SPNS3: variants seen among roughly 807,000 people sequenced by gnomAD.
SPNS3 encodes the protein SPNS lysolipid transporter 3, sphingosine-1-phosphate (putative).
SPNS3 carries 51 observed loss-of-function variants against 54.4 expected under a neutral mutation model. The observed-to-expected ratio is 0.94, with a 90% CI of 0.75 to 1.18. SPNS3 has a LOEUF of 1.18. Among genes scored for constraint, SPNS3 ranks in the 50% most tolerant of loss-of-function variants. The pLI is 0.00. For synonymous variants in SPNS3, 309 were observed against 294.7 expected, an observed-to-expected ratio of 1.05 and a Z score of -0.50; for missense variants, 669 against 677.4, an observed-to-expected ratio of 0.99 and a Z score of 0.14.
chr17:4,434,299 A>G (rs1167242380), intron 1 of SPNS3, 133 bp downstream of exon 1: 3 of 857,548 alleles, frequency 3.5e-6, no homozygotes, highest in Non-Finnish European at 5.2e-6. Flanking sequence ...TCTCACCTCT[A>G]GAGGTGGTTT....
chr17:4,474,977 T>C (rs1245194260), intron 8 of SPNS3, among the ~76,000 whole-genome samples: 1 of 152,096 alleles, frequency 6.6e-6, no homozygotes, highest in Non-Finnish European at 1.5e-5. Context: ...AGTGTGCTTG[T>C]GTGTTGGTCT....
At chr17:4,461,033 T>C (rs1971484754) in intron 8 of SPNS3, among the ~76,000 whole-genome samples, 1 of 152,238 alleles carries the variant, frequency 6.6e-6, no homozygotes, top group South Asian at 2.1e-4. Flanking sequence ...TTACTTGTTA[T>C]AGGTCAATTC....
intron 8 of SPNS3, among the ~76,000 whole-genome samples, chr17:4,472,737 C>G (rs1459968420): frequency 2.2e-5 from 3 of 137,416 alleles, no homozygotes; most frequent in Non-Finnish European, 4.6e-5. Context: ...GGGTATTACT[C>G]TCTTCTACAG....
At chr17:4,466,729 C>T (rs552005146) in intron 8 of SPNS3, among the ~76,000 whole-genome samples, 2 of 151,818 alleles carry the variant, frequency 1.3e-5, no homozygotes, top group South Asian at 4.2e-4. Context: ...CCTGTAATCC[C>T]AGATACTTGG....
In SPNS3 at chr17:4,434,226, G is replaced by T. The variant is rs1042234811; in HGVS notation, c.199+60G>T. 6 of 1,479,024 alleles carry T rather than the reference G, an allele frequency of 4.1e-6. No homozygotes were observed. In the African/African-American group the frequency reaches 8.4e-5, roughly 21 times the overall value. 91.6% of individuals were successfully genotyped at this position (1,479,024 alleles called of 1,614,324 possible). A position where few individuals can be genotyped will look rare whatever the true frequency, so the allele number is the denominator to read the frequency against. On this transcript the variant is annotated intron_variant, in intron 1 of 11. Coordinates refer to ENST00000355530, the MANE Select transcript of SPNS3 (RefSeq NM_182538.5). Reference sequence around the variant, plus strand: ...CTGCTGTGCCCACCAGCCAGGGGCTGCAGATCCATGGTGGCCTTCCAGCCA... The same window carrying T: ...CTGCTGTGCCCACCAGCCAGGGGCTTCAGATCCATGGTGGCCTTCCAGCCA...
chr17:4,446,943 A>T lies in SPNS3; in HGVS notation c.602A>T (p.Asn201Ile), dbSNP rs1971010394. Residue 201 changes from asparagine (N) to isoleucine (I), a missense_variant, in exon 5 of 12, where the codon AAC (asparagine) becomes ATC (isoleucine). By Grantham distance (149) the Asn-to-Ile change is moderately radical (BLOSUM62 -3). Coordinates refer to ENST00000355530, the MANE Select transcript of SPNS3 (RefSeq NM_182538.5). ...LGSAVTMLTGNWRWALRVMPC... is the reference protein window; with the variant it reads ...LGSAVTMLTGIWRWALRVMPC... Reference sequence around the variant, plus strand: ...TCGGCTGTGACGATGCTGACTGGGAACTGGCGCTGGGCCCTCCGAGTGAGT... The same window carrying T: ...TCGGCTGTGACGATGCTGACTGGGATCTGGCGCTGGGCCCTCCGAGTGAGT... The T allele has an allele frequency of 1.2e-6, 2 of 1,614,068 alleles. No individual in the cohort carries two copies. The highest frequency in any genetic ancestry group is 1.7e-6 in the Non-Finnish European group (2 of 1,179,998).
rs1597306462 is a variant in SPNS3, at chr17:4,445,134, G to T, written c.368G>T (p.Gly123Val). 6.2e-7 allele frequency: 1 copy of T among 1,614,016 alleles called. No homozygotes were observed. Among genetic ancestry groups the T allele is most frequent in the African/African-American group, 1.3e-5 (1 of 74,930 alleles). Residue 123 changes from glycine to valine, a missense_variant, in exon 3 of 12, where the codon GGA becomes GTA. Gly to Val is a moderately radical substitution (Grantham distance 109). Coordinates refer to ENST00000355530, the MANE Select transcript of SPNS3 (RefSeq NM_182538.5). ...TMSFGILLWS[G>V]AGLSSSFISP... ...AGCTTCGGTATCTTGCTGTGGTCAGGAGCTGGCCTCTCTAGCTCCTTCATC... is the reference window on the plus strand; with the variant it reads ...AGCTTCGGTATCTTGCTGTGGTCAGTAGCTGGCCTCTCTAGCTCCTTCATC...
At chr17:4,453,508 C>T (rs762665937) in intron 8 of SPNS3, among the ~76,000 whole-genome samples, 2 of 152,098 alleles carry the variant, frequency 1.3e-5, no homozygotes, top group African/African-American at 2.4e-5. Context: ...ATCCCAGCTG[C>T]TTGGGAGGCT....
At chr17:4,456,127 T>G (rs1971307097) in intron 8 of SPNS3, among the ~76,000 whole-genome samples, 1 of 152,094 alleles carries the variant, frequency 6.6e-6, no homozygotes, top group Admixed American at 6.6e-5. Flanking sequence ...AATTTTTGTA[T>G]TTTTAGTAGA....
chr17:4,486,613 C>G lies in SPNS3; in HGVS notation c.1450+30C>G. The G allele has an allele frequency of 6.3e-7, 1 of 1,589,912 alleles. No individual in the cohort carries two copies. Among genetic ancestry groups the G allele is most frequent in the Non-Finnish European group, 8.6e-7 (1 of 1,166,602 alleles). Reference sequence around the variant, plus strand: ...CCTACCCATTGCACCAGGCCCGGCTCAGGGCCGGCACCCTAGGGACAGACA... The same window carrying G: ...CCTACCCATTGCACCAGGCCCGGCTGAGGGCCGGCACCCTAGGGACAGACA... On this transcript the variant is annotated intron_variant, in intron 11 of 11. Transcript: ENST00000355530. This position sits in a 1 kb window ranked among gnomAD's most constrained non-coding sequence, Gnocchi z 5.5.
intron 1 of SPNS3, among the ~76,000 whole-genome samples, chr17:4,436,724 C>T (rs1481631111): frequency 6.6e-6 from 1 of 152,208 alleles, no homozygotes. Context: ...GGACTTTCTG[C>T]CTTGGGCAAT....
chr17:4,465,866 C>T (rs766678103), intron 8 of SPNS3, among the ~76,000 whole-genome samples: 1 of 152,250 alleles, frequency 6.6e-6, no homozygotes, highest in African/African-American at 2.4e-5. Context: ...TCTCTTCTGT[C>T]CCCTGGGCCC....
At chr17:4,442,070 C>T (rs1010022600) in intron 2 of SPNS3, among the ~76,000 whole-genome samples, 1 of 150,376 alleles carries the variant, frequency 6.6e-6, no homozygotes, top group African/African-American at 2.5e-5. Flanking sequence ...TCAAAAATTT[C>T]ATGAAAGGAC....
rs1044286391 is a variant in SPNS3 at position 4,455,589 on chromosome 17, C to T, written c.1113+2384C>T. Among the ~76,000 whole-genome samples the T allele has an allele frequency of 4.7e-4, 71 of 152,266 alleles. 1 individual carries two copies. The highest frequency in any genetic ancestry group is 2.5e-4 in the Non-Finnish European group (17 of 67,994). ...CCCGGTAGGCAATCCTGCAAGGGGCCCCCTCTCATGAGCACCGTGTCTCCC... is the reference window on the plus strand; with the variant it reads ...CCCGGTAGGCAATCCTGCAAGGGGCTCCCTCTCATGAGCACCGTGTCTCCC... On this transcript the variant is annotated intron_variant, in intron 8 of 11. Transcript: ENST00000355530.
Position 4,486,206 on chromosome 17 carries a change from C to G in SPNS3, c.1180-22C>G. On this transcript the variant is annotated intron_variant, in intron 9 of 11. Coordinates refer to ENST00000355530, the MANE Select transcript of SPNS3 (RefSeq NM_182538.5). The surrounding 1 kb of genome is among the most constrained non-coding windows in gnomAD (Gnocchi z 5.5). ...GGGTGCCCTCACTTGGGGTGCCCCC[C>G]TGCTGTGCCTATGTTTTGCAGTCTG... 6.6e-7 allele frequency: 1 copy of G among 1,518,174 alleles called. No homozygotes were observed. Among genetic ancestry groups the G allele is most frequent in the Non-Finnish European group, 8.8e-7 (1 of 1,135,792 alleles). The allele number at this position is 1,518,174 out of a possible 1,614,324, so 94.0% of individuals were successfully genotyped here.
chr17:4,466,844 A>G (rs989064150), intron 8 of SPNS3, among the ~76,000 whole-genome samples: 1 of 152,222 alleles, frequency 6.6e-6, no homozygotes, highest in African/African-American at 2.4e-5. Context: ...ACTGCCTCTC[A>G]ATAAATAAAC....
At chr17:4,458,588 C>CCTTCCTTCCTTCCTTTCTTTCTTTCTTT (rs1413694695) in intron 8 of SPNS3, among the ~76,000 whole-genome samples, 2 of 59,258 alleles carry the variant, frequency 3.4e-5, no homozygotes, top group African/African-American at 1.2e-4. Flanking sequence ...TTCCTTCCCT[C>CCTTCCTTCCTTCCTTTCTTTCTTTCTTT]CTTTCTTTCT....
intron 1 of SPNS3, among the ~76,000 whole-genome samples, chr17:4,436,403 G>T (rs1970719373): frequency 6.6e-6 from 1 of 152,076 alleles, no homozygotes; most frequent in African/African-American, 2.4e-5. Flanking sequence ...GACCAGCCTG[G>T]GTAACATAGA....
chr17:4,461,684 C>CT (rs766660604), intron 8 of SPNS3, among the ~76,000 whole-genome samples: 8 of 152,030 alleles, frequency 5.3e-5, no homozygotes, highest in Admixed American at 2.6e-4. Flanking sequence ...GAAGGTAGAG[C>CT]TATCAGAATT....
Sources: allele counts gnomAD v4.1 joint callset (sites outside exome capture counted in the v4.1 genomes callset), GRCh38; gene constraint gnomAD v4.1.1; non-coding constraint Gnocchi (gnomAD v3.1); transcripts MANE v1.5; gene names NCBI Gene and HGNC (gene_info 2026-07-23, HGNC 2026-07-21).